The following KDM5C variants were observed in gnomAD, a reference collection of about 807,000 sequenced individuals.
KDM5C encodes the protein lysine-specific demethylase 5C.
KDM5C carries 16 observed loss-of-function variants against 110.6 expected under a neutral mutation model. The ratio of observed to expected loss-of-function variants is 0.14; its 90% confidence interval spans 0.10 to 0.22. The LOEUF (loss-of-function observed/expected upper bound fraction) is 0.22, where lower values mean the gene tolerates loss of function less well. KDM5C is among the 10% of genes least tolerant of loss of function. The probability of loss-of-function intolerance (pLI) is 1.00; values close to 1 mark genes in which losing one functional copy is unlikely to be tolerated. For missense variants in KDM5C, 681 were observed against 1,300.9 expected, an observed-to-expected ratio of 0.52 and a Z score of 7.33; for synonymous variants, 511 against 520.4, an observed-to-expected ratio of 0.98 and a Z score of 0.24.
At chrX:53,222,610 A>C (rs782037277) in intron 1 of KDM5C, among the ~76,000 whole-genome samples, 1 of 111,945 alleles carries the variant, frequency 8.9e-6, no homozygotes, top group Admixed American at 9.4e-5. Flanking sequence ...CCATGGATGC[A>C]ACAGATACCT....
chrX:53,212,116 C>T (rs2073582505), intron 8 of KDM5C, among the ~76,000 whole-genome samples: 2 of 111,515 alleles, frequency 1.8e-5, no homozygotes, highest in Non-Finnish European at 3.8e-5. Flanking sequence ...TTGCTCAGTT[C>T]CTCCCTACTG....
At position 53,222,422 on chromosome X, in the gene KDM5C, T is replaced by C; in HGVS notation, c.151-1506A>G. ...GGCTCAAATCCAGACAAGCTCCCCATGCCCTCTTGCCTCTCATCAGGATAG... is the reference window on the plus strand; with the variant it reads ...GGCTCAAATCCAGACAAGCTCCCCACGCCCTCTTGCCTCTCATCAGGATAG... On this transcript the variant is annotated intron_variant, in intron 1 of 25. Coordinates refer to ENST00000375401, the MANE Select transcript of KDM5C (RefSeq NM_004187.5). 2.8e-5 allele frequency among the ~76,000 whole-genome samples: 3 copies of C among 107,773 alleles called. No homozygotes were observed. The South Asian group carries it at 1.2e-3, about 43-fold the overall frequency. 93.6% of individuals were successfully genotyped at this position (107,773 alleles called of 115,157 possible).
chrX:53,207,114 T>C (rs1390641926), intron 12 of KDM5C, among the ~76,000 whole-genome samples: 3 of 92,070 alleles, frequency 3.3e-5, no homozygotes, highest in African/African-American at 8.1e-5. Flanking sequence ...GAGGCGGAGG[T>C]TGCAGTGAGC....
Position 53,194,272 on chromosome X carries a change from GTCA to G in KDM5C, c.3902_3904del (p.Val1301_Thr1302delinsAla). Reference sequence around the variant, plus strand: ...CTCAGCCAGCCGTCCCAAAAGAGCAGTCACATCTTCAGAGGCCAGAGCCTGCCT... The same window carrying G: ...CTCAGCCAGCCGTCCCAAAAGAGCAGCATCTTCAGAGGCCAGAGCCTGCCT... On this transcript the variant is annotated inframe_deletion, in exon 23 of 26. Transcript: ENST00000375401. The G allele has an allele frequency of 8.2e-7, 1 of 1,212,446 alleles. No individual in the cohort carries two copies. The highest frequency in any genetic ancestry group is 1.1e-6 in the Non-Finnish European group (1 of 895,632).
chrX:53,207,865 C>T (rs1031866941), intron 12 of KDM5C, among the ~76,000 whole-genome samples: 4 of 105,909 alleles, frequency 3.8e-5, no homozygotes, highest in Non-Finnish European at 5.8e-5. Context: ...CGGGTAATCA[C>T]TTGAACTCGG....
chrX:53,196,243 C>T (rs1182919154), intron 19 of KDM5C, among the ~76,000 whole-genome samples, 189 bp from the exon 20 acceptor site: 1 of 112,531 alleles, frequency 8.9e-6, no homozygotes, highest in Non-Finnish European at 1.9e-5. Context: ...TGCATGCACC[C>T]AACTTCATCC....
chrX:53,181,411 A>G (rs782318360), intron 25 of KDM5C, among the ~76,000 whole-genome samples: 158 of 110,785 alleles, frequency 1.4e-3, no homozygotes, highest in Non-Finnish European at 2.3e-3. Flanking sequence ...TTCCCCTGGC[A>G]GCAGAAGCAG....
rs1432068396 is a variant in KDM5C at position 53,192,368 on chromosome X, T to TCTCA, written c.*598_*599insTGAG. Reference sequence around the variant, plus strand: ...GGAGGACAGGGAGGGAGGACTGAGGTGGTTGTGAGGACAAGCACCAAAAGC... The same window carrying TCTCA: ...GGAGGACAGGGAGGGAGGACTGAGGTCTCAGGTTGTGAGGACAAGCACCAAAAGC... On this transcript the variant is annotated 3_prime_UTR_variant, in exon 26 of 26. Coordinates refer to ENST00000375401, the MANE Select transcript of KDM5C (RefSeq NM_004187.5). 5.5e-6 allele frequency: 1 copy of TCTCA among 182,918 alleles called. No homozygotes were observed. The highest frequency in any genetic ancestry group is 7.9e-5 in the East Asian group (1 of 12,686). 15.1% of individuals were successfully genotyped at this position (182,918 alleles called of 1,213,427 possible).
chrX:53,183,922 G>C (rs1401397629), intron 25 of KDM5C, among the ~76,000 whole-genome samples: 2 of 111,795 alleles, frequency 1.8e-5, no homozygotes, highest in Non-Finnish European at 3.8e-5. Context: ...TAAGGACTGT[G>C]TTGAATCTGT....
At position 53,216,070 on chromosome X, in the gene KDM5C, T is replaced by C. The variant is rs1569278445; in HGVS notation, c.781+4A>G. On this transcript the variant is annotated splice_donor_region_variant and intron_variant, in intron 6 of 25. Coordinates refer to ENST00000375401, the MANE Select transcript of KDM5C (RefSeq NM_004187.5). The stretch of plus-strand genomic sequence containing the variant: ...TGAGGCCACCCCAGCCTGTTAGGCC[T>C]TACCTTTCTTCCGCAGAGTCTTGTC... 9.1e-6 allele frequency: 11 copies of C among 1,212,455 alleles called. No individual in the cohort carries two copies. The highest frequency in any genetic ancestry group is 1.2e-5 in the Non-Finnish European group (11 of 895,639).
rs782332810 is a variant in KDM5C at position 53,218,645 on chromosome X, G to A, written c.229-247C>T. 4.5e-4 allele frequency: 204 copies of A among 454,277 alleles called. No homozygotes were observed. Among genetic ancestry groups the A allele is most frequent in the Non-Finnish European group, 7.0e-4 (176 of 250,062 alleles). 37.4% of individuals were successfully genotyped at this position (454,277 alleles called of 1,213,427 possible). On this transcript the variant is annotated intron_variant, in intron 2 of 25. Transcript: ENST00000375401. ...AGCTGGAATGGAGTGGTGCAATCAC[G>A]GCTGACTGTAGACTTGACCTCCTGG...
intron 12 of KDM5C, among the ~76,000 whole-genome samples, chrX:53,209,560 T>G (rs1464882127): frequency 1.9e-4 from 21 of 111,534 alleles, no homozygotes; most frequent in Non-Finnish European, 3.8e-5. Context: ...ATCTCATACA[T>G]TAGAGTAAGT....
At chrX:53,180,723 T>A (rs1934015835) in intron 25 of KDM5C, among the ~76,000 whole-genome samples, 1 of 67,430 alleles carries the variant, frequency 1.5e-5, no homozygotes, top group African/African-American at 5.2e-5. Context: ...ACCCGGCTTT[T>A]TTTTTTTTTT....
rs781930508 is a variant in KDM5C at position 53,193,466 on chromosome X, C to G, written c.4288G>C (p.Asp1430His). The G allele has an allele frequency of 8.3e-7, 1 of 1,210,188 alleles. No individual in the cohort carries two copies. Among genetic ancestry groups the G allele is most frequent in the South Asian group, 1.8e-5 (1 of 56,801 alleles). ...AGAAGTGTGCGGATCCTCTCCAGGT[C>G]TGGGGGCTGTCCAGCCTGCAGCAGC... Reference protein sequence around the residue: ...WQLLQAGQPPDLERIRTLLEL... With the variant: ...WQLLQAGQPPHLERIRTLLEL... The change falls in exon 25 of 26, where the codon GAC becomes CAC. Residue 1430 changes from aspartate (D) to histidine (H), a missense_variant. Physicochemically the swap from Asp to His is moderately conservative, Grantham distance 81. Coordinates refer to ENST00000375401, the MANE Select transcript of KDM5C (RefSeq NM_004187.5).
In KDM5C at chrX:53,215,954, G is replaced by A; in HGVS notation, c.804C>T (p.Pro268=). The change falls in exon 7 of 26, where the codon CCC becomes CCT. Residue 268 remains proline, a synonymous_variant. Coordinates refer to ENST00000375401, the MANE Select transcript of KDM5C (RefSeq NM_004187.5). ...RKKDKEGPEC[P]PTVVVKEELG... is the part of the protein sequence containing the mutation. Reference sequence around the variant, plus strand: ...ACTCCTCCTTCACCACTACTGTGGGGGGACACTCAGGCCCCTCCTTATCTG... The same window carrying A: ...ACTCCTCCTTCACCACTACTGTGGGAGGACACTCAGGCCCCTCCTTATCTG... 2 of 1,211,833 alleles carry A rather than the reference G, an allele frequency of 1.7e-6. No individual in the cohort carries two copies. The highest frequency in any genetic ancestry group is 2.2e-6 in the Non-Finnish European group (2 of 895,479).
intron 14 of KDM5C, among the ~76,000 whole-genome samples, chrX:53,199,893 T>C (rs1556840808): frequency 8.9e-6 from 1 of 111,741 alleles, no homozygotes; most frequent in Non-Finnish European, 1.9e-5. Flanking sequence ...CATACCAACT[T>C]TAACACCTAA....
At chrX:53,194,871 C>T in intron 22 of KDM5C, 60 bp downstream of exon 22, 1 of 1,201,275 alleles carries the variant, frequency 8.3e-7, no homozygotes. Flanking sequence ...TCATGGCCAC[C>T]CAGCTCAGAC....
At position 53,217,776 on chromosome X, in the gene KDM5C, C is replaced by T. The variant is rs1569279949; in HGVS notation, c.522+20G>A. The T allele has an allele frequency of 8.3e-7, 1 of 1,208,561 alleles. No individual in the cohort carries two copies. The highest frequency in any genetic ancestry group is 1.1e-6 in the Non-Finnish European group (1 of 892,590). On this transcript the variant is annotated intron_variant, in intron 4 of 25. Transcript: ENST00000375401. ...TGCTGAAGGGTAAAGCCGCACCCTGCCCCACTGTGACATCCTTACCACAAG... is the reference window on the plus strand; with the variant it reads ...TGCTGAAGGGTAAAGCCGCACCCTGTCCCACTGTGACATCCTTACCACAAG...
chrX:53,210,309 A>G (rs1256970026), intron 12 of KDM5C, 105 bp downstream of exon 12: 6 of 1,042,311 alleles, frequency 5.8e-6, no homozygotes, highest in Non-Finnish European at 8.0e-6. Context: ...AGCAATGAAG[A>G]AAGGCCAGGG....
Sources: gnomAD v4.1 joint callset for allele counts (sites outside exome capture counted in the v4.1 genomes callset) on GRCh38, gnomAD v4.1.1 for gene constraint, MANE v1.5 for transcripts, NCBI Gene and HGNC (gene_info 2026-07-23, HGNC 2026-07-21) for gene names.